Variants in TNIK observed in about 807,000 individuals in gnomAD.
The protein encoded by TNIK is TRAF2 and NCK-interacting protein kinase.
A neutral mutation model predicts 191.3 loss-of-function variants in TNIK; 49 were observed. The observed-to-expected ratio is 0.26, with a 90% CI of 0.20 to 0.32. TNIK has a LOEUF of 0.32. Among genes scored for constraint, TNIK ranks in the 10% least tolerant of loss-of-function variants. TNIK has a pLI of 1.00. For missense variants in TNIK, 1,155 were observed against 1,702.3 expected, an observed-to-expected ratio of 0.68 and a Z score of 5.66; for synonymous variants, 594 against 600.9, an observed-to-expected ratio of 0.99 and a Z score of 0.17.
At position 171,157,451 on chromosome 3, in the gene TNIK, G is replaced by C; in HGVS notation, c.1221+9C>G. ...CTTGGGGTCAGAGGTGGCCCGAGCA[G>C]GTCCTCACCTCCTCCAGCCGCCGCC... On this transcript the variant is annotated intron_variant, in intron 12 of 32. Transcript: ENST00000436636. 1 of 1,556,836 alleles carries C rather than the reference G, an allele frequency of 6.4e-7. No homozygotes were observed. Among genetic ancestry groups the C allele is most frequent in the Non-Finnish European group, 8.7e-7 (1 of 1,150,712 alleles).
chr3:171,442,150 T>C (rs569109883), intron 1 of TNIK, among the ~76,000 whole-genome samples: 7 of 152,292 alleles, frequency 4.6e-5, no homozygotes, highest in South Asian at 2.1e-4. Context: ...AAAATCCTGA[T>C]TGTGAATCCT....
chr3:171,246,513 A>T (rs960355649), intron 2 of TNIK, among the ~76,000 whole-genome samples: 5 of 152,238 alleles, frequency 3.3e-5, no homozygotes, highest in African/African-American at 4.8e-5. Flanking sequence ...TTTTACAGAT[A>T]AGGAAACGCA....
chr3:171,219,660 A>AT (rs773820738), intron 3 of TNIK, among the ~76,000 whole-genome samples: 1 of 152,202 alleles, frequency 6.6e-6, no homozygotes, highest in Non-Finnish European at 1.5e-5. Context: ...ATCACTGGTC[A>AT]TTAGAGAAAT....
intron 1 of TNIK, among the ~76,000 whole-genome samples, chr3:171,428,087 G>A (rs1724881443): frequency 6.6e-6 from 1 of 152,070 alleles, no homozygotes; most frequent in African/African-American, 2.4e-5. Context: ...AAAAGAGAGG[G>A]GGACCCTGGT....
chr3:171,114,992 AAAC>A (rs1448768852), intron 18 of TNIK, among the ~76,000 whole-genome samples: 6 of 152,240 alleles, frequency 3.9e-5, no homozygotes, highest in African/African-American at 9.6e-5. Flanking sequence ...CTGTTTTATT[AAAC>A]AATAGTGGTC....
chr3:171,109,448 C>T (rs910503411), intron 19 of TNIK, among the ~76,000 whole-genome samples: 1 of 152,032 alleles, frequency 6.6e-6, no homozygotes, highest in African/African-American at 2.4e-5. Context: ...TAGTCCATAT[C>T]CCAATCCAGA....
intron 4 of TNIK, among the ~76,000 whole-genome samples, chr3:171,208,567 T>G (rs1304129376): frequency 3.3e-5 from 5 of 152,006 alleles, no homozygotes; most frequent in Non-Finnish European, 7.4e-5. Flanking sequence ...TGTGTATGTG[T>G]GTGTGTGTGA....
chr3:171,239,585 C>T (rs1249565178), intron 2 of TNIK, among the ~76,000 whole-genome samples: 1 of 152,160 alleles, frequency 6.6e-6, no homozygotes, highest in African/African-American at 2.4e-5. Flanking sequence ...AGCAGAAGAC[C>T]CAGATCTCCG....
At chr3:171,157,803 A>G (rs1258161328) in intron 11 of TNIK, 139 bp from the exon 12 acceptor site, 2 of 853,846 alleles carry the variant, frequency 2.3e-6, no homozygotes, top group Non-Finnish European at 3.6e-6. Context: ...ATCCTCCGCT[A>G]ATTCAATCAT....
At chr3:171,319,586 C>A (rs752092151) in intron 2 of TNIK, among the ~76,000 whole-genome samples, 5 of 152,100 alleles carry the variant, frequency 3.3e-5, no homozygotes, top group Non-Finnish European at 2.9e-5. Context: ...GACCGGGTAA[C>A]TGGCTGACCC....
At chr3:171,281,754 G>A (rs910420463) in intron 2 of TNIK, among the ~76,000 whole-genome samples, 1 of 152,190 alleles carries the variant, frequency 6.6e-6, no homozygotes, top group African/African-American at 2.4e-5. Flanking sequence ...AACGAGGATA[G>A]TGTTTGCTAC....
intron 12 of TNIK, among the ~76,000 whole-genome samples, chr3:171,142,158 T>C (rs1450606345): frequency 6.6e-6 from 1 of 152,206 alleles, no homozygotes; most frequent in African/African-American, 2.4e-5. Flanking sequence ...CAATGATTTT[T>C]CCATCTTGGA....
At chr3:171,268,135 A>T (rs146330671) in intron 2 of TNIK, among the ~76,000 whole-genome samples, 26 of 152,256 alleles carry the variant, frequency 1.7e-4, no homozygotes, top group African/African-American at 6.0e-4. Flanking sequence ...ATAGAATATT[A>T]TGCTTCCCAG....
chr3:171,396,448 C>G (rs1720266021), intron 1 of TNIK, among the ~76,000 whole-genome samples: 1 of 152,140 alleles, frequency 6.6e-6, no homozygotes, highest in Non-Finnish European at 1.5e-5. Flanking sequence ...GACATATTTT[C>G]ATTTCAGTTG....
intron 12 of TNIK, among the ~76,000 whole-genome samples, chr3:171,154,254 CT>C (rs1050473292): frequency 2.6e-5 from 2 of 77,002 alleles, no homozygotes; most frequent in Non-Finnish European, 5.0e-5. Flanking sequence ...CAGGTGATAT[CT>C]CTTCAAAAAA....
At chr3:171,255,756 CTT>C (rs34094473) in intron 2 of TNIK, among the ~76,000 whole-genome samples, 13 of 152,258 alleles carry the variant, frequency 8.5e-5, no homozygotes, top group African/African-American at 3.1e-4. Flanking sequence ...CCTGGAGTGC[CTT>C]TAGAGACCCC....
At chr3:171,247,421 A>G (rs1217825138) in intron 2 of TNIK, among the ~76,000 whole-genome samples, 2 of 152,252 alleles carry the variant, frequency 1.3e-5, no homozygotes, top group East Asian at 1.9e-4. Flanking sequence ...GGAAGATAAC[A>G]TCTCTGGCTT....
intron 15 of TNIK, among the ~76,000 whole-genome samples, chr3:171,136,633 T>G (rs945911758): frequency 1.3e-5 from 2 of 152,154 alleles, no homozygotes; most frequent in Admixed American, 1.3e-4. Flanking sequence ...TGACATTAGC[T>G]TTGTAGAGGC....
At chr3:171,287,811 T>C (rs1239836535) in intron 2 of TNIK, among the ~76,000 whole-genome samples, 1 of 152,158 alleles carries the variant, frequency 6.6e-6, no homozygotes, top group African/African-American at 2.4e-5. Flanking sequence ...TTGAAGTGAA[T>C]GGTAGAACCA....
Sources: gnomAD v4.1 joint callset for allele counts (sites outside exome capture counted in the v4.1 genomes callset) on GRCh38, gnomAD v4.1.1 for gene constraint, MANE v1.5 for transcripts, NCBI Gene and HGNC (gene_info 2026-07-23, HGNC 2026-07-21) for gene names.